IL1RAP: variants seen among roughly 807,000 people sequenced by gnomAD.
IL1RAP encodes interleukin 1 receptor accessory protein.
A neutral mutation model predicts 60.7 loss-of-function variants in IL1RAP; 35 were observed. The ratio of observed to expected loss-of-function variants is 0.58; its 90% CI spans 0.44 to 0.76. The LOEUF is 0.76. Ranked by LOEUF, IL1RAP falls within the 30% of genes least tolerant of loss-of-function variation. IL1RAP has a pLI of 0.00. For missense variants in IL1RAP, 572 were observed against 693.9 expected (o/e 0.82, Z 1.97); for synonymous variants, 268 against 250.9 (o/e 1.07, Z -0.64).
intron 1 of IL1RAP, among the ~76,000 whole-genome samples, chr3:190,521,948 T>TTA (rs10663834): frequency 0.4 from 60,375 of 151,898 alleles, 14,604 homozygotes; most frequent in African/African-American, 0.68. Flanking sequence ...GATTCTAGCG[T>TTA]TGAGTACACA....
At chr3:190,607,467 A>G (rs9836852) in intron 4 of IL1RAP, among the ~76,000 whole-genome samples, 12,068 of 152,272 alleles carry the variant, frequency 0.079, 940 homozygotes, top group African/African-American at 0.2. Flanking sequence ...TGTGGGACTT[A>G]TATTTTACAG....
chr3:190,627,462 C>A lies in IL1RAP; in HGVS notation c.902+13C>A. The A allele has an allele frequency of 6.2e-7, 1 of 1,605,894 alleles. No individual in the cohort carries two copies. Among genetic ancestry groups the A allele is most frequent in the Non-Finnish European group, 8.5e-7 (1 of 1,176,860 alleles). ...CCATTAACGAAAGGTATCATGGGGGCCAGCAAGGGAGTGATTAACCTTTGT... is the reference window on the plus strand; with the variant it reads ...CCATTAACGAAAGGTATCATGGGGGACAGCAAGGGAGTGATTAACCTTTGT... On this transcript the variant is annotated intron_variant, in intron 8 of 11. Transcript: ENST00000447382.
chr3:190,619,309 A>G (rs746133217), intron 5 of IL1RAP, among the ~76,000 whole-genome samples: 2 of 152,190 alleles, frequency 1.3e-5, no homozygotes, highest in African/African-American at 2.4e-5. Context: ...AGATAGTTCA[A>G]TTTCTCAATT....
intron 5 of IL1RAP, among the ~76,000 whole-genome samples, chr3:190,616,954 C>T (rs2108784106): frequency 6.6e-6 from 1 of 152,244 alleles, no homozygotes; most frequent in African/African-American, 2.4e-5. Context: ...GAAAACAGAG[C>T]ATTATAATAA....
At chr3:190,600,798 A>G (rs1208257617) in intron 3 of IL1RAP, among the ~76,000 whole-genome samples, 1 of 152,064 alleles carries the variant, frequency 6.6e-6, no homozygotes, top group Non-Finnish European at 1.5e-5. Context: ...GATGCTGATA[A>G]TTCCTGGGTC....
At chr3:190,594,630 T>C (rs1729226056) in intron 3 of IL1RAP, among the ~76,000 whole-genome samples, 1 of 152,136 alleles carries the variant, frequency 6.6e-6, no homozygotes, top group African/African-American at 2.4e-5. Flanking sequence ...AGCTGGGAAA[T>C]GTTACTTTTA....
At chr3:190,622,731 C>T (rs1204719215) in intron 6 of IL1RAP, among the ~76,000 whole-genome samples, 2 of 152,100 alleles carry the variant, frequency 1.3e-5, no homozygotes, top group Non-Finnish European at 2.9e-5. Flanking sequence ...AGAGCTCCAC[C>T]CTCTCAGCTT....
At chr3:190,634,692 A>C (rs1381198936) in intron 9 of IL1RAP, among the ~76,000 whole-genome samples, 3 of 149,082 alleles carry the variant, frequency 2.0e-5, no homozygotes, top group Admixed American at 6.7e-5. Flanking sequence ...TCATATAACT[A>C]TCTGGGCCTG....
chr3:190,528,917 G>A (rs1056521395), intron 1 of IL1RAP, among the ~76,000 whole-genome samples: 3 of 152,156 alleles, frequency 2.0e-5, no homozygotes, highest in East Asian at 1.9e-4. Context: ...TGGATTGTGC[G>A]ATTTATCAGA....
At chr3:190,558,294 A>G (rs1725597569) in intron 2 of IL1RAP, among the ~76,000 whole-genome samples, 1 of 152,132 alleles carries the variant, frequency 6.6e-6, no homozygotes, top group Non-Finnish European at 1.5e-5. Context: ...TTTCCCTTGG[A>G]CAAATATCCA....
intron 3 of IL1RAP, among the ~76,000 whole-genome samples, chr3:190,594,183 A>G (rs79261417): frequency 0.02 from 2,999 of 152,336 alleles, 103 homozygotes; most frequent in African/African-American, 0.069. Context: ...GATTCAATAC[A>G]TCAGGATGGG....
At chr3:190,658,893 C>T (rs968420852) in exon 12 of IL1RAP, 9 of 152,198 alleles carry the variant, frequency 5.9e-5, no homozygotes, top group Non-Finnish European at 1.0e-4. Context: ...CGACAGGCCA[C>T]CCTAACTAAA....
intron 5 of IL1RAP, among the ~76,000 whole-genome samples, chr3:190,614,872 CACAT>C (rs1731126882): frequency 1.3e-5 from 2 of 152,062 alleles, no homozygotes; most frequent in Non-Finnish European, 2.9e-5. Flanking sequence ...GATCTTTGAA[CACAT>C]ACTGGGGTGT....
intron 3 of IL1RAP, among the ~76,000 whole-genome samples, chr3:190,582,171 C>G (rs565430301): frequency 1.3e-5 from 2 of 152,120 alleles, no homozygotes; most frequent in Admixed American, 6.5e-5. Flanking sequence ...GATTTAAGAG[C>G]CTCTGAAACA....
At chr3:190,518,167 C>T (rs1721697019) in intron 1 of IL1RAP, 2 of 151,262 alleles carry the variant, frequency 1.3e-5, no homozygotes, top group African/African-American at 4.9e-5. Flanking sequence ...TATTCTAACT[C>T]TCTGTAGCAG....
rs138390252 is a variant in IL1RAP, at chr3:190,629,672, T to G, written c.1051+174T>G. Reference sequence around the variant, plus strand: ...TATGAAAGTTTTCATCTATGTAAGATACTCAAAATATTGTTTCTGATATTG... The same window carrying G: ...TATGAAAGTTTTCATCTATGTAAGAGACTCAAAATATTGTTTCTGATATTG... On this transcript the variant is annotated intron_variant, in intron 9 of 11. Transcript: ENST00000447382. 1.1e-5 allele frequency: 15 copies of G among 1,343,834 alleles called. No homozygotes were observed. The African/African-American group carries it at 1.5e-4, about 13-fold the overall frequency. The allele number at this position is 1,343,834 out of a possible 1,614,324, so 83.2% of individuals were successfully genotyped here. A position where few individuals can be genotyped will look rare whatever the true frequency, so the allele number is the denominator to read the frequency against.
rs1734225871 is a variant in IL1RAP at position 190,648,853 on chromosome 3, A to C, written c.*148A>C. The C allele has an allele frequency of 2.1e-6, 3 of 1,424,022 alleles. No individual in the cohort carries two copies. The allele number at this position is 1,424,022 out of a possible 1,614,324, so 88.2% of individuals were successfully genotyped here. On this transcript the variant is annotated 3_prime_UTR_variant, in exon 12 of 12. Coordinates refer to ENST00000447382, the MANE Select transcript of IL1RAP (RefSeq NM_002182.4). ...TAAATTTAGGGTGACTGTGTGGCTGACTATTCTGCTTCCTCAGGCAACACT... is the reference window on the plus strand; with the variant it reads ...TAAATTTAGGGTGACTGTGTGGCTGCCTATTCTGCTTCCTCAGGCAACACT...
At chr3:190,553,274 A>G (rs1004893778) in intron 1 of IL1RAP, among the ~76,000 whole-genome samples, 3 of 152,196 alleles carry the variant, frequency 2.0e-5, no homozygotes, top group African/African-American at 7.2e-5. Context: ...CAGCCTCACA[A>G]ATCCTTTTTC....
chr3:190,632,178 G>A (rs1732845390), intron 9 of IL1RAP, among the ~76,000 whole-genome samples: 1 of 152,184 alleles, frequency 6.6e-6, no homozygotes, highest in African/African-American at 2.4e-5. Context: ...TGCCAAACCT[G>A]TTTCCAAAGA....
Sources: allele counts gnomAD v4.1 joint callset (sites outside exome capture counted in the v4.1 genomes callset), GRCh38; gene constraint gnomAD v4.1.1; transcripts MANE v1.5; gene names NCBI Gene and HGNC (gene_info 2026-07-23, HGNC 2026-07-21).